Variants in SLC35E2B observed in about 807,000 individuals in gnomAD.
SLC35E2B encodes solute carrier family 35, member E2B.
SLC35E2B carries 18 observed loss-of-function variants against 32.4 expected under a neutral mutation model. The observed-to-expected ratio is 0.56, with a 90% CI of 0.38 to 0.82. SLC35E2B has a LOEUF of 0.82. SLC35E2B is among the 40% of genes least tolerant of loss of function. SLC35E2B has a pLI of 0.00. For missense variants in SLC35E2B, 263 were observed against 469.5 expected (o/e 0.56, Z 4.06); for synonymous variants, 132 against 209.1 (o/e 0.63, Z 3.18).
At chr1:1,685,182 G>A (rs1478605508) in intron 2 of SLC35E2B, among the ~76,000 whole-genome samples, 1 of 151,708 alleles carries the variant, frequency 6.6e-6, no homozygotes, top group Admixed American at 6.6e-5. Context: ...AGCACTTTGG[G>A]AGACCGAGGC....
chr1:1,677,471 C>G (rs927428649), intron 2 of SLC35E2B, among the ~76,000 whole-genome samples: 3 of 148,614 alleles, frequency 2.0e-5, no homozygotes, highest in African/African-American at 7.5e-5. Flanking sequence ...ATGCTACTTT[C>G]TTTTTCCTTT....
rs927401426 is a variant in SLC35E2B, at chr1:1,665,046, G to T, written c.*736C>A. On this transcript the variant is annotated 3_prime_UTR_variant, in exon 10 of 10. Transcript: ENST00000617444. ...AGGTAGGAGGGCAGGGTGCCCTGGG[G>T]TTGCGGGGAGCTCACGCAGCCCAGG... 1.3e-5 allele frequency: 11 copies of T among 864,232 alleles called. No individual in the cohort carries two copies. The highest frequency in any genetic ancestry group is 1.5e-5 in the Non-Finnish European group (11 of 719,306). 53.5% of individuals were successfully genotyped at this position (864,232 alleles called of 1,614,324 possible).
chr1:1,669,828 G>T, intron 7 of SLC35E2B, 92 bp from the exon 8 acceptor site: 2 of 1,318,430 alleles, frequency 1.5e-6, no homozygotes, highest in Non-Finnish European at 2.1e-6. Context: ...AGGCACCCCA[G>T]CCCAGAAGAC....
rs1411546817 is a variant in SLC35E2B, at chr1:1,692,643, G to C, written c.-760C>G. 1 of 982,686 alleles carries C rather than the reference G, an allele frequency of 1.0e-6. No homozygotes were observed. The highest frequency in any genetic ancestry group is 1.2e-6 in the Non-Finnish European group (1 of 827,990). 60.9% of individuals were successfully genotyped at this position (982,686 alleles called of 1,614,324 possible). A position where few individuals can be genotyped will look rare whatever the true frequency, so the allele number is the denominator to read the frequency against. ...TCCAGGTGGGCTTCACGGGGCGCCC[G>C]CGGGACCGGAAATGACGCGCAGAAC... On this transcript the variant is annotated 5_prime_UTR_variant, in exon 1 of 10. Transcript: ENST00000617444.
At position 1,680,394 on chromosome 1, in the gene SLC35E2B, G is replaced by A. The variant is rs748042974; in HGVS notation, c.-147-3548C>T. The stretch of plus-strand genomic sequence containing the variant: ...TCTCCATGCAGCTGCGCTGGGACGC[G>A]GGTTCTCTGTCCGATCACTGCACAG... On this transcript the variant is annotated intron_variant, in intron 2 of 9. Transcript: ENST00000617444. Among the ~76,000 whole-genome samples, 32 of 152,290 alleles carry A rather than the reference G, an allele frequency of 2.1e-4. 1 individual carries two copies. The South Asian group carries it at 2.3e-3, about 11-fold the overall frequency.
chr1:1,685,413 A>G (rs1235214336), intron 2 of SLC35E2B, among the ~76,000 whole-genome samples: 1 of 94,032 alleles, frequency 1.1e-5, no homozygotes, highest in African/African-American at 4.2e-5. Flanking sequence ...ACGTTTTCTC[A>G]GAAAAAAAAA....
At chr1:1,683,779 G>C (rs915681925) in intron 2 of SLC35E2B, among the ~76,000 whole-genome samples, 2 of 152,068 alleles carry the variant, frequency 1.3e-5, no homozygotes, top group Non-Finnish European at 2.9e-5. Context: ...ATAAGCTCCG[G>C]GGTGATCTGA....
intron 5 of SLC35E2B, chr1:1,674,467 A>G (rs894126918): frequency 1.3e-5 from 2 of 151,986 alleles, no homozygotes; most frequent in Non-Finnish European, 2.9e-5. Context: ...AAATACAAAA[A>G]TTAGCTGGGC....
rs1442646390 is a variant in SLC35E2B at position 1,664,685 on chromosome 1, G to C, written c.*1097C>G. 2.4e-6 allele frequency: 2 copies of C among 827,702 alleles called. No homozygotes were observed. The highest frequency in any genetic ancestry group is 1.3e-4 in the East Asian group (1 of 7,692). 51.3% of individuals were successfully genotyped at this position (827,702 alleles called of 1,614,324 possible). Reference sequence around the variant, plus strand: ...GCCGTACTACTGTCCCTTGGGGAGAGTGGGACAGGGTGGGCGCCTGACACA... The same window carrying C: ...GCCGTACTACTGTCCCTTGGGGAGACTGGGACAGGGTGGGCGCCTGACACA... On this transcript the variant is annotated 3_prime_UTR_variant, in exon 10 of 10. Transcript: ENST00000617444.
chr1:1,670,203 A>G, intron 6 of SLC35E2B, 52 bp from the exon 7 acceptor site: 17 of 1,333,424 alleles, frequency 1.3e-5, no homozygotes, highest in Non-Finnish European at 1.8e-5. Flanking sequence ...GGCACGGAAC[A>G]TCAGGGGGAG....
intron 5 of SLC35E2B, 86 bp downstream of exon 5, chr1:1,675,377 C>T: frequency 1.7e-6 from 2 of 1,188,506 alleles, no homozygotes; most frequent in Non-Finnish European, 2.3e-6. Context: ...CGGCAGAGCC[C>T]CATGGCAGGC....
In SLC35E2B at chr1:1,680,138, A is replaced by T. The variant is rs543008388; in HGVS notation, c.-147-3292T>A. Among the ~76,000 whole-genome samples the T allele has an allele frequency of 4.3e-3, 651 of 151,848 alleles. 3 individuals are homozygous for T. Among genetic ancestry groups the T allele is most frequent in the African/African-American group, 0.014 (589 of 41,344 alleles). On this transcript the variant is annotated intron_variant, in intron 2 of 9. Coordinates refer to ENST00000617444, the MANE Select transcript of SLC35E2B (RefSeq NM_001290264.2). ...GTGAAACTCCGTCTCAAAAAAAAAA[A>T]ATTTTTTTTTAATGTAGCCGGGCAT...
chr1:1,667,105 C>T lies in SLC35E2B; in HGVS notation c.981-1086G>A, dbSNP rs1473480420. 8.6e-4 allele frequency among the ~76,000 whole-genome samples: 10 copies of T among 11,638 alleles called. 3 individuals carry two copies. The highest frequency in any genetic ancestry group is 1.3e-3 in the Non-Finnish European group (5 of 3,744). The allele number at this position is 11,638 out of a possible 152,430, so 7.6% of individuals were successfully genotyped here. A position where few individuals can be genotyped will look rare whatever the true frequency, so the allele number is the denominator to read the frequency against. On this transcript the variant is annotated intron_variant, in intron 9 of 9. Coordinates refer to ENST00000617444, the MANE Select transcript of SLC35E2B (RefSeq NM_001290264.2). ...TGGGTGACAGAGCAAGACTCTGTTT[C>T]GGGAAAAATAAAATACATAGGCAGG...
chr1:1,671,449 C>T, intron 6 of SLC35E2B, 60 bp downstream of exon 6: 1 of 1,354,156 alleles, frequency 7.4e-7, no homozygotes, highest in Non-Finnish European at 9.6e-7. Flanking sequence ...AATCTGCACA[C>T]CCAGATGCAG....
Position 1,666,018 on chromosome 1 carries a change from C to T in SLC35E2B, c.982G>A (p.Val328Ile), listed in dbSNP as rs923052477. 2.8e-5 allele frequency: 43 copies of T among 1,549,876 alleles called. 1 individual carries two copies. The highest frequency in any genetic ancestry group is 8.3e-5 in the South Asian group (7 of 84,002). ...MGKISPVTFSVASTVKHALSI... is the reference protein window; with the variant it reads ...MGKISPVTFSIASTVKHALSI... Reference sequence around the variant, plus strand: ...AAGGCATGTTTCACGGTGCTGGCGACGCTGCGGAGGCAAGGGGAGGCAGCA... The same window carrying T: ...AAGGCATGTTTCACGGTGCTGGCGATGCTGCGGAGGCAAGGGGAGGCAGCA... Residue 328 changes from valine (V) to isoleucine (I), a missense_variant and splice_region_variant, in exon 10 of 10, where the codon GTC becomes ATC. Coordinates refer to ENST00000617444, the MANE Select transcript of SLC35E2B (RefSeq NM_001290264.2).
At chr1:1,684,853 C>T (rs1449823532) in intron 2 of SLC35E2B, among the ~76,000 whole-genome samples, 3 of 145,738 alleles carry the variant, frequency 2.1e-5, no homozygotes, top group South Asian at 4.4e-4. Flanking sequence ...CACCTGTAAT[C>T]CCAGCACTTT....
At position 1,666,047 on chromosome 1, in the gene SLC35E2B, G is replaced by A. The variant is rs901817186; in HGVS notation, c.981-28C>T. The A allele has an allele frequency of 2.2e-5, 34 of 1,541,832 alleles. 1 individual carries two copies. Among genetic ancestry groups the A allele is most frequent in the Non-Finnish European group, 2.9e-5 (33 of 1,141,182 alleles). On this transcript the variant is annotated intron_variant, in intron 9 of 9. Coordinates refer to ENST00000617444, the MANE Select transcript of SLC35E2B (RefSeq NM_001290264.2). ...GCGGAGGCAAGGGGAGGCAGCAGGGGCGCTCAGGGCTATGGTCTCCTCAGC... is the reference window on the plus strand; with the variant it reads ...GCGGAGGCAAGGGGAGGCAGCAGGGACGCTCAGGGCTATGGTCTCCTCAGC...
chr1:1,687,917 A>G (rs1303167840), intron 2 of SLC35E2B, among the ~76,000 whole-genome samples: 1 of 152,074 alleles, frequency 6.6e-6, no homozygotes, highest in East Asian at 1.9e-4. Flanking sequence ...AAAACAAAAA[A>G]TAATAATAAC....
At chr1:1,685,042 G>C (rs1445191784) in intron 2 of SLC35E2B, among the ~76,000 whole-genome samples, 1 of 151,470 alleles carries the variant, frequency 6.6e-6, no homozygotes, top group African/African-American at 2.4e-5. Context: ...GGGAGGTGGA[G>C]GTTGCAGTGA....
Sources: gnomAD v4.1 joint callset for allele counts (sites outside exome capture counted in the v4.1 genomes callset) on GRCh38, gnomAD v4.1.1 for gene constraint, MANE v1.5 for transcripts, NCBI Gene and HGNC (gene_info 2026-07-23, HGNC 2026-07-21) for gene names.